Variants in TRAPPC8 observed in about 807,000 individuals in gnomAD.
TRAPPC8 encodes the protein general sporulation gene 1 homolog.
Under a neutral mutation model 174.3 loss-of-function variants are expected in TRAPPC8, and 54 were observed. The ratio of observed to expected loss-of-function variants is 0.31; its 90% CI spans 0.25 to 0.39. TRAPPC8 has a LOEUF of 0.39. Ranked by LOEUF, TRAPPC8 falls within the 10% of genes least tolerant of loss-of-function variation. The pLI, the probability that TRAPPC8 is intolerant of heterozygous loss-of-function variation, is 1.00. For missense variants in TRAPPC8, 1,531 were observed against 1,699.1 expected (o/e 0.90, Z 1.74); for synonymous variants, 630 against 579.9 (o/e 1.09, Z -1.24).
At chr18:31,878,212 A>T (rs1025528569) in intron 12 of TRAPPC8, among the ~76,000 whole-genome samples, 4 of 152,284 alleles carry the variant, frequency 2.6e-5, no homozygotes, top group Admixed American at 1.3e-4. Flanking sequence ...TCTGCTCAGG[A>T]TGAGCAACTG....
intron 26 of TRAPPC8, among the ~76,000 whole-genome samples, chr18:31,843,065 A>C (rs1220524070): frequency 1.3e-5 from 2 of 152,220 alleles, no homozygotes; most frequent in Non-Finnish European, 2.9e-5. Flanking sequence ...TAGTAAGATA[A>C]AAAGTAGAAA....
In TRAPPC8 at chr18:31,931,340, A is replaced by C; in HGVS notation, c.341T>G (p.Leu114Arg). The C allele has an allele frequency of 4.5e-6, 7 of 1,564,938 alleles. No individual in the cohort carries two copies. Among genetic ancestry groups the C allele is most frequent in the Non-Finnish European group, 5.2e-6 (6 of 1,155,688 alleles). Residue 114 changes from leucine to arginine, a missense_variant, in exon 2 of 29, where the codon CTT becomes CGT. Coordinates refer to ENST00000283351, the MANE Select transcript of TRAPPC8 (RefSeq NM_014939.5). ...ACCTTGTTACATACCACTGATGTTA[A>C]GGTCATAATCTCCTGCTGTAATCAC... is the stretch of plus-strand genomic sequence containing the variant. ...ANVITAGDYD[L>R]NISATTPWFE...
At chr18:31,900,511 G>A (rs888659898) in intron 10 of TRAPPC8, among the ~76,000 whole-genome samples, 5 of 152,076 alleles carry the variant, frequency 3.3e-5, no homozygotes, top group South Asian at 2.1e-4. Context: ...CTGACCACTG[G>A]GGACCAGCTC....
intron 2 of TRAPPC8, among the ~76,000 whole-genome samples, chr18:31,921,881 TTC>T (rs1268234107): frequency 6.6e-6 from 1 of 152,366 alleles, no homozygotes; most frequent in East Asian, 1.9e-4. Context: ...TTATGTCACT[TTC>T]TTATTGCCTG....
At chr18:31,902,280 G>A (rs899717277) in intron 9 of TRAPPC8, among the ~76,000 whole-genome samples, 1 of 152,204 alleles carries the variant, frequency 6.6e-6, no homozygotes, top group African/African-American at 2.4e-5. Context: ...GCACTGAGCC[G>A]AGATAGTGCC....
rs137931697 is a variant in TRAPPC8, at chr18:31,900,855, G to C, written c.1490+70C>G. On this transcript the variant is annotated intron_variant, in intron 10 of 28. Coordinates refer to ENST00000283351, the MANE Select transcript of TRAPPC8 (RefSeq NM_014939.5). ...AACTTGATTTGGGAGTTTAGGAATG[G>C]GGAAAAAAAAAAAAAAAGAACAAAC... is the stretch of plus-strand genomic sequence containing the variant. 3,623 of 1,179,298 alleles carry C rather than the reference G, an allele frequency of 3.1e-3. 40 individuals carry two copies. Among genetic ancestry groups the C allele is most frequent in the South Asian group, 0.025 (1,728 of 69,778 alleles). The allele number at this position is 1,179,298 out of a possible 1,614,324, so 73.1% of individuals were successfully genotyped here. A position where few individuals can be genotyped will look rare whatever the true frequency, so the allele number is the denominator to read the frequency against.
chr18:31,853,640 C>G (rs746500472), intron 22 of TRAPPC8, among the ~76,000 whole-genome samples: 1 of 151,968 alleles, frequency 6.6e-6, no homozygotes, highest in Non-Finnish European at 1.5e-5. Context: ...GAAGAAAATA[C>G]AAGTATAAAA....
chr18:31,873,373 AAAG>A (rs2034983443), intron 14 of TRAPPC8, 54 bp downstream of exon 14: 2 of 1,395,130 alleles, frequency 1.4e-6, no homozygotes, highest in African/African-American at 1.5e-5. Flanking sequence ...GGAGAAAGGA[AAAG>A]AAGTTTTTTT....
intron 19 of TRAPPC8, 118 bp from the exon 20 acceptor site, chr18:31,858,100 T>C: frequency 1.2e-6 from 1 of 823,132 alleles, no homozygotes; most frequent in East Asian, 2.7e-5. Flanking sequence ...GTTTCATTAA[T>C]TCTTTGGTAT....
rs770476792 is a variant in TRAPPC8, at chr18:31,864,762, C to T, written c.2610G>A (p.Met870Ile). The T allele has an allele frequency of 1.2e-6, 2 of 1,608,810 alleles. No homozygotes were observed. The highest frequency in any genetic ancestry group is 1.7e-6 in the Non-Finnish European group (2 of 1,178,202). ...CTAAATCCTGCTTCCCTCGGACTGA[C>T]ATACTCAAGGAATATTTTCCTGAAA... is the stretch of plus-strand genomic sequence containing the variant. Reference protein sequence around the residue: ...GCHTGKYSLSMSVRGKQDLEI... With the variant: ...GCHTGKYSLSISVRGKQDLEI... Residue 870 changes from methionine (M) to isoleucine (I), a missense_variant, in exon 19 of 29, where the codon ATG becomes ATA. Physicochemically the swap from Met to Ile is conservative, Grantham distance 10. Transcript: ENST00000283351.
At chr18:31,930,187 T>C (rs1231352937) in intron 2 of TRAPPC8, among the ~76,000 whole-genome samples, 1 of 152,052 alleles carries the variant, frequency 6.6e-6, no homozygotes, top group Non-Finnish European at 1.5e-5. Context: ...TGGTGCCATC[T>C]TGGCTCACTG....
chr18:31,906,497 T>C (rs1400564826), intron 9 of TRAPPC8, among the ~76,000 whole-genome samples: 1 of 151,850 alleles, frequency 6.6e-6, no homozygotes, highest in Non-Finnish European at 1.5e-5. Flanking sequence ...GAATATTTTC[T>C]AGCTAAAAAA....
At chr18:31,887,753 ACAAGGATGCCCTCTCT>A (rs1466140971) in intron 12 of TRAPPC8, among the ~76,000 whole-genome samples, 3 of 149,736 alleles carry the variant, frequency 2.0e-5, no homozygotes, top group Non-Finnish European at 4.4e-5. Flanking sequence ...CCAGCACAAG[ACAAGGATGCCCTCTCT>A]CATCACTGCT....
chr18:31,924,738 C>CAAAAAAAAAAAAAAAAAAAAAAAAAAACA (rs398032376), intron 2 of TRAPPC8, among the ~76,000 whole-genome samples: 1 of 91,890 alleles, frequency 1.1e-5, no homozygotes, highest in Non-Finnish European at 2.1e-5. Flanking sequence ...AACTCCGTCT[C>CAAAAAAAAAAAAAAAAAAAAAAAAAAACA]AAAAAAAAAA....
intron 2 of TRAPPC8, among the ~76,000 whole-genome samples, chr18:31,918,163 A>T (rs1478131366): frequency 6.6e-6 from 1 of 152,094 alleles, no homozygotes; most frequent in Non-Finnish European, 1.5e-5. Flanking sequence ...GTATATATGT[A>T]CACACACCTT....
chr18:31,847,405 T>A (rs1294994331), intron 25 of TRAPPC8, among the ~76,000 whole-genome samples: 1 of 152,230 alleles, frequency 6.6e-6, no homozygotes, highest in African/African-American at 2.4e-5. Context: ...GGGGAAAATA[T>A]AATCTATAAA....
Position 31,857,791 on chromosome 18 carries a change from A to G in TRAPPC8, c.2937T>C (p.Ser979=), listed in dbSNP as rs764982706. The change falls in exon 20 of 29, where the codon AGT becomes AGC. Residue 979 remains serine, a synonymous_variant. Coordinates refer to ENST00000283351, the MANE Select transcript of TRAPPC8 (RefSeq NM_014939.5). ...PLSPSASENC[S]AYKTVVTDAT... ...CATCTGTCACAACAGTCTTGTAAGC[A>G]CTACAATTCTCAGAAGCTGAGGGAC... 12 of 1,614,102 alleles carry G rather than the reference A, an allele frequency of 7.4e-6. No homozygotes were observed. The highest frequency in any genetic ancestry group is 1.7e-5 in the Admixed American group (1 of 60,008).
chr18:31,904,795 T>C (rs1032250866), intron 9 of TRAPPC8, among the ~76,000 whole-genome samples: 1 of 152,156 alleles, frequency 6.6e-6, no homozygotes, highest in Non-Finnish European at 1.5e-5. Context: ...TTTGGGAGGC[T>C]GAGGCAGGCA....
At position 31,852,627 on chromosome 18, in the gene TRAPPC8, C is replaced by T. The variant is rs1375552508; in HGVS notation, c.3470G>A (p.Cys1157Tyr). ...TTTCTCACATCTTATTGCCTTAAAG[C>T]AAAACTTTCCCTTCTCCCTACTGGC... Reference protein sequence around the residue: ...KLASREKGKFCFKAIRCEKEE... With the variant: ...KLASREKGKFYFKAIRCEKEE... Residue 1157 changes from cysteine (C) to tyrosine (Y), a missense_variant, in exon 23 of 29, where the codon TGC (cysteine) becomes TAC (tyrosine). Physicochemically the swap from Cys to Tyr is radical, Grantham distance 194 (BLOSUM62 -2). Coordinates refer to ENST00000283351, the MANE Select transcript of TRAPPC8 (RefSeq NM_014939.5). The T allele has an allele frequency of 6.2e-7, 1 of 1,613,724 alleles. No individual in the cohort carries two copies. Among genetic ancestry groups the T allele is most frequent in the East Asian group, 2.2e-5 (1 of 44,846 alleles).
Sources: allele counts gnomAD v4.1 joint callset (sites outside exome capture counted in the v4.1 genomes callset), GRCh38; gene constraint gnomAD v4.1.1; transcripts MANE v1.5; gene names NCBI Gene and HGNC (gene_info 2026-07-23, HGNC 2026-07-21).